The following USP29 variants were observed in gnomAD, a reference collection of about 807,000 sequenced individuals.
USP29 encodes the protein ubiquitin specific peptidase 29, also known as ubiquitin carboxyl-terminal hydrolase 29.
For missense variants in USP29, 1,102 were observed against 1,069.0 expected (o/e 1.03, Z -0.43); for synonymous variants, 386 against 387.4 (o/e 1.00, Z 0.04).
chr19:57,123,796 A>C (rs1408452809), intron 2 of USP29, among the ~76,000 whole-genome samples: 1 of 152,208 alleles, frequency 6.6e-6, no homozygotes, highest in Non-Finnish European at 1.5e-5. Context: ...AAGTCAGTTG[A>C]TATATTAATC....
At position 57,128,932 on chromosome 19, in the gene USP29, A is replaced by G. The variant is rs1205204181; in HGVS notation, c.257A>G (p.Lys86Arg). 5.6e-6 allele frequency: 9 copies of G among 1,613,796 alleles called. No individual in the cohort carries two copies. Among genetic ancestry groups the G allele is most frequent in the Non-Finnish European group, 7.6e-6 (9 of 1,179,984 alleles). The part of the protein sequence containing the change: ...LKNNVFLFID[K>R]LSYRDAKQLN... ...AACAACGTGTTCTTGTTTATTGACA[A>G]ATTATCCTACAGAGATGCTAAACAG... is the stretch of plus-strand genomic sequence containing the variant. The change falls in exon 4 of 4, where the codon AAA becomes AGA. Residue 86 changes from lysine to arginine, a missense_variant. By Grantham distance (26) the Lys-to-Arg change is conservative (BLOSUM62 2). Coordinates refer to ENST00000254181, the MANE Select transcript of USP29 (RefSeq NM_020903.3).
Position 57,130,095 on chromosome 19 carries a change from G to T in USP29, c.1420G>T (p.Asp474Tyr). Residue 474 changes from aspartate to tyrosine, a missense_variant, in exon 4 of 4, where the codon GAT (aspartate) becomes TAT (tyrosine). Physicochemically the swap from Asp to Tyr is radical, Grantham distance 160. Coordinates refer to ENST00000254181, the MANE Select transcript of USP29 (RefSeq NM_020903.3). The stretch of plus-strand genomic sequence containing the variant: ...TCCTTTGTCCATTCAGAATTCTTTA[G>T]ATCTTTTCTTTAAAGAAGAAGAGCT... ...PLPLSIQNSL[D>Y]LFFKEEELEY... The T allele has an allele frequency of 6.2e-7, 1 of 1,613,434 alleles. No homozygotes were observed. Among genetic ancestry groups the T allele is most frequent in the Non-Finnish European group, 8.5e-7 (1 of 1,179,844 alleles).
chr19:57,121,909 T>C (rs113842308), intron 1 of USP29, among the ~76,000 whole-genome samples: 1 of 150,930 alleles, frequency 6.6e-6, no homozygotes, highest in African/African-American at 2.4e-5. Context: ...AGGTCAGGAG[T>C]TCGAGACCTG....
At chr19:57,126,358 A>G (rs561231322) in intron 3 of USP29, among the ~76,000 whole-genome samples, 2 of 152,242 alleles carry the variant, frequency 1.3e-5, no homozygotes, top group East Asian at 3.9e-4. Context: ...GTGTTTTCCA[A>G]CTTGATTCCA....
intron 2 of USP29, among the ~76,000 whole-genome samples, chr19:57,123,052 A>T (rs1599914920): frequency 6.6e-6 from 1 of 152,302 alleles, no homozygotes; most frequent in East Asian, 1.9e-4. Flanking sequence ...GGCATAGTAT[A>T]GCTCATGCCC....
Position 57,129,712 on chromosome 19 carries a change from T to G in USP29, c.1037T>G (p.Ile346Ser). The change falls in exon 4 of 4, where the codon ATC becomes AGC. Residue 346 changes from isoleucine to serine, a missense_variant. Transcript: ENST00000254181. ...LALKDFCSTK[I>S]KRELLGNVKK... ...TTGAAAGATTTCTGTAGTACAAAGA[T>G]CAAGAGAGAATTACTTGGGAATGTT... 1 of 1,613,898 alleles carries G rather than the reference T, an allele frequency of 6.2e-7. No homozygotes were observed. Among genetic ancestry groups the G allele is most frequent in the Non-Finnish European group, 8.5e-7 (1 of 1,179,966 alleles).
chr19:57,120,788 C>CAAAAAAAAAAAAAAAAAAAAAA (rs71293954), intron 1 of USP29, among the ~76,000 whole-genome samples: 1 of 31,144 alleles, frequency 3.2e-5, no homozygotes, highest in African/African-American at 1.1e-4. Flanking sequence ...GACTCCGTCT[C>CAAAAAAAAAAAAAAAAAAAAAA]AAAAAAAAAA....
At position 57,130,277 on chromosome 19, in the gene USP29, T is replaced by C. The variant is rs1203299553; in HGVS notation, c.1602T>C (p.Ser534=). 1.9e-6 allele frequency: 3 copies of C among 1,614,078 alleles called. No homozygotes were observed. The South Asian group carries it at 3.3e-5, about 18-fold the overall frequency. ...ACGAGCAAGTTTATATTCCCAAATCTTTAAGTTTATCTTCTTATTGCAATG... is the reference window on the plus strand; with the variant it reads ...ACGAGCAAGTTTATATTCCCAAATCCTTAAGTTTATCTTCTTATTGCAATG... ...KNNEQVYIPK[S]LSLSSYCNES... Residue 534 remains serine (S), a synonymous_variant, in exon 4 of 4, where the codon TCT becomes TCC. Coordinates refer to ENST00000254181, the MANE Select transcript of USP29 (RefSeq NM_020903.3).
At chr19:57,127,959 G>A (rs2086832335) in intron 3 of USP29, among the ~76,000 whole-genome samples, 1 of 152,204 alleles carries the variant, frequency 6.6e-6, no homozygotes, top group African/African-American at 2.4e-5. Flanking sequence ...AAAACTGTGG[G>A]AAAAGCGTAG....
At position 57,129,704 on chromosome 19, in the gene USP29, T is replaced by C. The variant is rs2086844707; in HGVS notation, c.1029T>C (p.Ser343=). The change falls in exon 4 of 4, where the codon AGT becomes AGC. Residue 343 remains serine (S), a synonymous_variant. Transcript: ENST00000254181. ...TQLLALKDFC[S]TKIKRELLGN... Reference sequence around the variant, plus strand: ...TGCTTGCTTTGAAAGATTTCTGTAGTACAAAGATCAAGAGAGAATTACTTG... The same window carrying C: ...TGCTTGCTTTGAAAGATTTCTGTAGCACAAAGATCAAGAGAGAATTACTTG... The C allele has an allele frequency of 6.2e-7, 1 of 1,613,950 alleles. No homozygotes were observed. Among genetic ancestry groups the C allele is most frequent in the Non-Finnish European group, 8.5e-7 (1 of 1,179,964 alleles).
At position 57,129,505 on chromosome 19, in the gene USP29, ACT is replaced by A. The variant is rs779494965; in HGVS notation, c.834_835del (p.His279PhefsTer32). 3 of 1,614,140 alleles carry A rather than the reference ACT, an allele frequency of 1.9e-6. No individual in the cohort carries two copies. Among genetic ancestry groups the A allele is most frequent in the South Asian group, 1.1e-5 (1 of 91,080 alleles). ...TGCAACAAAGCCCAGGTGCCTCTTG[ACT>A]CTCATTCACAGCAACTGCAGCAGGG... is the stretch of plus-strand genomic sequence containing the variant. On this transcript the variant is annotated frameshift_variant, in exon 4 of 4. Transcript: ENST00000254181. LOFTEE classifies it low-confidence loss of function (END_TRUNC).
chr19:57,129,592 T>C lies in USP29; in HGVS notation c.917T>C (p.Ile306Thr). ...MNAVLQSLFA[I>T]PSFADDLLTQ... is the part of the protein sequence containing the mutation. ...GCAGTTTTACAATCGCTATTTGCAA[T>C]TCCATCTTTTGCTGATGACTTACTC... Residue 306 changes from isoleucine (I) to threonine (T), a missense_variant, in exon 4 of 4, where the codon ATT becomes ACT. Coordinates refer to ENST00000254181, the MANE Select transcript of USP29 (RefSeq NM_020903.3). The C allele has an allele frequency of 1.2e-6, 2 of 1,614,230 alleles. No individual in the cohort carries two copies. Among genetic ancestry groups the C allele is most frequent in the Non-Finnish European group, 1.7e-6 (2 of 1,180,036 alleles).
Position 57,130,587 on chromosome 19 carries a change from AG to A in USP29, c.1915del (p.Ala639GlnfsTer13). ...LESELVHFRDRAIGEKELPVA... is the reference protein window; with the variant it reads ...LESELVHFRDXAIGEKELPVA... ...GTCAGAATTGGTCCACTTTAGAGAT[AG>A]GGCAATCGGTGAAAAGGAGCTTCCA... On this transcript the variant is annotated frameshift_variant, in exon 4 of 4. Coordinates refer to ENST00000254181, the MANE Select transcript of USP29 (RefSeq NM_020903.3). LOFTEE classifies it low-confidence loss of function (END_TRUNC). 1 of 1,614,190 alleles carries A rather than the reference AG, an allele frequency of 6.2e-7. No homozygotes were observed. The highest frequency in any genetic ancestry group is 8.5e-7 in the Non-Finnish European group (1 of 1,180,030).
chr19:57,130,336 G>A lies in USP29; in HGVS notation c.1661G>A (p.Ser554Asn). Residue 554 changes from serine (S) to asparagine (N), a missense_variant, in exon 4 of 4, where the codon AGT (serine) becomes AAT (asparagine). Ser to Asn is a conservative substitution (Grantham distance 46, BLOSUM62 1). Transcript: ENST00000254181. ...STKPPLPLSS[S>N]APVGKCEVLE... ...AAACCACCTCTTCCCTTGAGCAGTA[G>A]TGCACCTGTTGGGAAATGTGAAGTC... 6.2e-7 allele frequency: 1 copy of A among 1,614,112 alleles called. No homozygotes were observed. The highest frequency in any genetic ancestry group is 8.5e-7 in the Non-Finnish European group (1 of 1,180,028).
In USP29 at chr19:57,131,902, T is replaced by G. The variant is rs1428761157; in HGVS notation, c.*458T>G. ...TGCTACTGTTGATATGGATTGCTTATGTTATATAAACGATTTTCATTAAAT... is the reference window on the plus strand; with the variant it reads ...TGCTACTGTTGATATGGATTGCTTAGGTTATATAAACGATTTTCATTAAAT... On this transcript the variant is annotated 3_prime_UTR_variant, in exon 4 of 4. Coordinates refer to ENST00000254181, the MANE Select transcript of USP29 (RefSeq NM_020903.3). The G allele has an allele frequency of 1.2e-5, 2 of 171,306 alleles. No homozygotes were observed. The highest frequency in any genetic ancestry group is 6.3e-5 in the Admixed American group (1 of 15,822). 10.6% of individuals were successfully genotyped at this position (171,306 alleles called of 1,614,324 possible).
chr19:57,127,825 CA>C (rs559636814), intron 3 of USP29, among the ~76,000 whole-genome samples: 8 of 151,142 alleles, frequency 5.3e-5, no homozygotes, highest in Admixed American at 2.6e-4. Flanking sequence ...CACTGGTGTA[CA>C]AAAAAAAATC....
In USP29 at chr19:57,128,582, T is replaced by C. The variant is rs1181511416; in HGVS notation, c.-16-78T>C. ...GAAGACTAAAAATAAATCATTATTA[T>C]ATGTGGATGAGGTTTTTCATAAAAT... is the stretch of plus-strand genomic sequence containing the variant. On this transcript the variant is annotated intron_variant, in intron 3 of 3. Transcript: ENST00000254181. 4 of 1,340,936 alleles carry C rather than the reference T, an allele frequency of 3.0e-6. No individual in the cohort carries two copies. In the African/African-American group the frequency reaches 4.4e-5, roughly 15 times the overall value. The allele number at this position is 1,340,936 out of a possible 1,614,324, so 83.1% of individuals were successfully genotyped here.
Position 57,127,825 on chromosome 19 carries a change from C to CA in USP29, c.-16-826dup, listed in dbSNP as rs559636814. Among the ~76,000 whole-genome samples, 139 of 151,148 alleles carry CA rather than the reference C, an allele frequency of 9.2e-4. No individual in the cohort carries two copies. The East Asian group carries it at 0.019, about 20-fold the overall frequency. On this transcript the variant is annotated intron_variant, in intron 3 of 3. Coordinates refer to ENST00000254181, the MANE Select transcript of USP29 (RefSeq NM_020903.3). ...TGGGGTTTCAGGCACCACTGGTGTA[C>CA]AAAAAAAAATCAACTCTTGCAACTA...
At chr19:57,123,668 T>C (rs542437440) in intron 2 of USP29, among the ~76,000 whole-genome samples, 5 of 152,270 alleles carry the variant, frequency 3.3e-5, no homozygotes, top group African/African-American at 1.2e-4. Context: ...AAGTTCTAGG[T>C]AAGCAAAGTC....
Sources: gnomAD v4.1 joint callset for allele counts (sites outside exome capture counted in the v4.1 genomes callset) on GRCh38, gnomAD v4.1.1 for gene constraint, MANE v1.5 for transcripts, NCBI Gene and HGNC (gene_info 2026-07-23, HGNC 2026-07-21) for gene names.